Variants in DIP2A observed in about 807,000 individuals in gnomAD.
DIP2A encodes the protein DIP2 acetate--CoA ligase A.
DIP2A carries 85 observed loss-of-function variants against 177.4 expected under a neutral mutation model. That is an observed-to-expected ratio of 0.48 (90% CI 0.40 to 0.57). The LOEUF (loss-of-function observed/expected upper bound fraction) is 0.57, where lower values mean the gene tolerates loss of function less well. Among genes scored for constraint, DIP2A ranks in the 20% least tolerant of loss-of-function variants. The pLI, the probability that DIP2A is intolerant of heterozygous loss-of-function variation, is 0.00. For synonymous variants in DIP2A, 886 were observed against 881.8 expected (o/e 1.00, Z -0.08); for missense variants, 1,791 against 2,100.2 (o/e 0.85, Z 2.88).
chr21:46,486,099 A>AG (rs2088970820), intron 2 of DIP2A, among the ~76,000 whole-genome samples: 1 of 129,826 alleles, frequency 7.7e-6, no homozygotes, highest in African/African-American at 2.9e-5. Flanking sequence ...AAAGAACTAA[A>AG]GAACTAGTAT....
At chr21:46,531,091 A>G (rs1258087897) in intron 9 of DIP2A, among the ~76,000 whole-genome samples, 1 of 152,044 alleles carries the variant, frequency 6.6e-6, no homozygotes, top group Non-Finnish European at 1.5e-5. Context: ...GTAGGGTGCA[A>G]GCAGGAGGAC....
At chr21:46,517,919 A>G (rs891114182) in intron 8 of DIP2A, among the ~76,000 whole-genome samples, 1 of 152,216 alleles carries the variant, frequency 6.6e-6, no homozygotes, top group African/African-American at 2.4e-5. Context: ...TAACTCCTCT[A>G]GTTGTCTTTG....
At chr21:46,510,518 C>A (rs533640627) in intron 7 of DIP2A, among the ~76,000 whole-genome samples, 3 of 152,014 alleles carry the variant, frequency 2.0e-5, no homozygotes, top group Non-Finnish European at 4.4e-5. Flanking sequence ...GTGTTTCTTA[C>A]CACTTGGGCA....
intron 9 of DIP2A, 49 bp from the exon 10 acceptor site, chr21:46,532,078 A>T (rs1220963870): frequency 1.3e-6 from 2 of 1,529,576 alleles, no homozygotes; most frequent in Non-Finnish European, 1.8e-6. Context: ...TTAACTAGAT[A>T]TTGTAAAAAT....
chr21:46,527,257 AT>A (rs141115791), intron 8 of DIP2A, among the ~76,000 whole-genome samples: 9,716 of 149,942 alleles, frequency 0.065, 386 homozygotes, highest in Non-Finnish European at 0.085. Context: ...GAAATTCTTT[AT>A]GCATTACAAT....
intron 8 of DIP2A, among the ~76,000 whole-genome samples, chr21:46,512,813 AAAC>A (rs1289864203): frequency 4.2e-5 from 3 of 71,210 alleles, no homozygotes; most frequent in South Asian, 4.0e-4. Context: ...AAAAAAAAAC[AAAC>A]AAAACAAAAA....
chr21:46,476,242 CA>C (rs113478198), intron 1 of DIP2A, among the ~76,000 whole-genome samples: 63,346 of 144,174 alleles, frequency 0.44, 13,676 homozygotes, highest in African/African-American at 0.52. Context: ...GACTCCGTCT[CA>C]AAAAAAAAAA....
intron 33 of DIP2A, chr21:46,561,470 G>A: frequency 4.1e-6 from 2 of 489,796 alleles, no homozygotes; most frequent in Non-Finnish European, 3.8e-6. Flanking sequence ...CTGGGTGCCA[G>A]GGGCTTGCTG....
intron 22 of DIP2A, chr21:46,550,143 C>T (rs981578880): frequency 5.3e-6 from 5 of 940,332 alleles, no homozygotes; most frequent in Non-Finnish European, 7.5e-6. Flanking sequence ...CTGATGAGAA[C>T]ATTTGAAATG....
Position 46,563,655 on chromosome 21 carries a change from T to C in DIP2A, c.4090-203T>C, listed in dbSNP as rs2060743011. On this transcript the variant is annotated intron_variant, in intron 34 of 37. Transcript: ENST00000417564. The surrounding 1 kb of genome is among the most constrained non-coding windows in gnomAD (Gnocchi z 4.3). ...CGGGATCCCTTCTCAGGAACTGGAG[T>C]CATTTTGCTTATTTCTATTAACATC... 4.5e-6 allele frequency: 4 copies of C among 884,242 alleles called. No individual in the cohort carries two copies. In the South Asian group the frequency reaches 6.2e-5, roughly 14 times the overall value. The allele number at this position is 884,242 out of a possible 1,614,324, so 54.8% of individuals were successfully genotyped here. A position where few individuals can be genotyped will look rare whatever the true frequency, so the allele number is the denominator to read the frequency against.
downstream of DIP2A, among the ~76,000 whole-genome samples, chr21:46,572,703 C>G (rs915778033): frequency 2.6e-5 from 4 of 152,188 alleles, no homozygotes; most frequent in African/African-American, 7.2e-5. Context: ...TTGGACTTCT[C>G]AGCTGCTATA....
Position 46,567,536 on chromosome 21 carries a change from T to C in DIP2A, c.4630T>C (p.Ser1544Pro), listed in dbSNP as rs1275113924. ...GGACCCAGGGGTGATCCCTATCAAC[T>C]CTCGGGGTGAGAAGCAGCGCATGCA... ...IVDPGVIPIN[S>P]RGEKQRMHLR... Residue 1544 changes from serine to proline, a missense_variant, in exon 38 of 38, where the codon TCT (serine) becomes CCT (proline). Transcript: ENST00000417564. 6.2e-7 allele frequency: 1 copy of C among 1,613,680 alleles called. No individual in the cohort carries two copies. The highest frequency in any genetic ancestry group is 2.2e-5 in the East Asian group (1 of 44,886).
rs757820398 is a variant in DIP2A, at chr21:46,558,311, A to G, written c.3887A>G (p.Lys1296Arg). The part of the protein sequence containing the change: ...PRIALTQSFS[K>R]LFKDLGLPAR... ...ATTGCGCTGACCCAGTCCTTCTCCAAGCTCTTCAAGGACCTGGGCCTGCCG... is the reference window on the plus strand; with the variant it reads ...ATTGCGCTGACCCAGTCCTTCTCCAGGCTCTTCAAGGACCTGGGCCTGCCG... The change falls in exon 32 of 38, where the codon AAG becomes AGG. Residue 1296 changes from lysine (K) to arginine (R), a missense_variant. Coordinates refer to ENST00000417564, the MANE Select transcript of DIP2A (RefSeq NM_015151.4). The G allele has an allele frequency of 2.5e-6, 4 of 1,607,238 alleles. No individual in the cohort carries two copies. The highest frequency in any genetic ancestry group is 1.1e-5 in the South Asian group (1 of 89,762).
chr21:46,528,549 T>C (rs1034945060), intron 8 of DIP2A, among the ~76,000 whole-genome samples: 7 of 124,880 alleles, frequency 5.6e-5, no homozygotes, highest in African/African-American at 1.5e-4. Context: ...TTTTTTTTTT[T>C]TTTTTTTTTT....
intron 8 of DIP2A, among the ~76,000 whole-genome samples, chr21:46,526,066 AC>A (rs2059074313): frequency 2.6e-5 from 4 of 150,950 alleles, no homozygotes; most frequent in Non-Finnish European, 4.4e-5. Context: ...CTGCCACCAC[AC>A]CCGGCTAATT....
At chr21:46,554,087 T>G in intron 25 of DIP2A, 82 bp from the exon 26 acceptor site, 10 of 1,497,364 alleles carry the variant, frequency 6.7e-6, no homozygotes, top group Non-Finnish European at 6.3e-6. Context: ...TGCAGTGGCG[T>G]GCAGGTGGTG....
chr21:46,532,313 C>T, intron 10 of DIP2A, 76 bp downstream of exon 10: 5 of 1,203,128 alleles, frequency 4.2e-6, no homozygotes, highest in Non-Finnish European at 6.0e-6. Flanking sequence ...TTCCTTTTCA[C>T]TCATGTGGGC....
At chr21:46,559,807 C>T (rs1326640456) in intron 32 of DIP2A, among the ~76,000 whole-genome samples, 2 of 152,230 alleles carry the variant, frequency 1.3e-5, no homozygotes, top group Admixed American at 1.3e-4. Flanking sequence ...CCCTGTCTCA[C>T]TCTGCTGCCT....
intron 33 of DIP2A, chr21:46,561,392 C>G (rs1417772437): frequency 2.8e-6 from 1 of 363,606 alleles, no homozygotes; most frequent in Non-Finnish European, 5.2e-6. Context: ...CTTTGAAGCT[C>G]AGATCCCAGT....
Sources: allele counts gnomAD v4.1 joint callset (sites outside exome capture counted in the v4.1 genomes callset), GRCh38; gene constraint gnomAD v4.1.1; non-coding constraint Gnocchi (gnomAD v3.1); transcripts MANE v1.5; gene names NCBI Gene and HGNC (gene_info 2026-07-23, HGNC 2026-07-21).